KATNAL1: variants seen among roughly 807,000 people sequenced by gnomAD.
KATNAL1 encodes katanin p60 ATPase-containing subunit A-like 1.
Under a neutral mutation model 55.2 loss-of-function variants are expected in KATNAL1, and 32 were observed. The ratio of observed to expected loss-of-function variants is 0.58; its 90% confidence interval spans 0.44 to 0.78. The LOEUF is 0.78. KATNAL1 is among the 30% of genes least tolerant of loss of function. The probability of loss-of-function intolerance (pLI) is 0.00; values close to 1 mark genes in which losing one functional copy is unlikely to be tolerated. For missense variants in KATNAL1, 466 were observed against 600.9 expected (o/e 0.78, Z 2.35); for synonymous variants, 193 against 193.6 (o/e 1.00, Z 0.02).
chr13:30,283,514 T>G, intron 2 of KATNAL1, 102 bp downstream of exon 2: 1 of 977,802 alleles, frequency 1.0e-6, no homozygotes. Flanking sequence ...AAATAGGCAC[T>G]ATTTCCATCT....
chr13:30,210,778 G>A lies in KATNAL1; in HGVS notation c.1148-336C>T, dbSNP rs73443656. 5.2e-3 allele frequency: 849 copies of A among 164,276 alleles called. 12 individuals carry two copies. The highest frequency in any genetic ancestry group is 0.019 in the African/African-American group (805 of 41,796). The allele number at this position is 164,276 out of a possible 1,614,324, so 10.2% of individuals were successfully genotyped here. On this transcript the variant is annotated intron_variant, in intron 9 of 10. Coordinates refer to ENST00000380615, the MANE Select transcript of KATNAL1 (RefSeq NM_032116.5). ...ATATAAATATCAGTTTTCAAGCACC[G>A]GAAATGCTTCTCAAAAAAAAAATAC...
At chr13:30,296,523 C>A in intron 1 of KATNAL1, 1 of 735,672 alleles carries the variant, frequency 1.4e-6, no homozygotes, top group South Asian at 1.4e-5. Flanking sequence ...CTACTGGGGC[C>A]TCTTTATCAT....
intron 6 of KATNAL1, among the ~76,000 whole-genome samples, chr13:30,236,658 C>T (rs1296049311): frequency 5.3e-5 from 8 of 152,214 alleles, no homozygotes; most frequent in South Asian, 2.1e-4. Flanking sequence ...GATCTTCCTA[C>T]ACTTGCAAAT....
intron 9 of KATNAL1, among the ~76,000 whole-genome samples, chr13:30,214,134 A>G (rs971602495): frequency 7.9e-5 from 12 of 152,296 alleles, no homozygotes; most frequent in Admixed American, 5.2e-4. Flanking sequence ...CCAATAACAG[A>G]CAAACAGAGC....
chr13:30,301,213 T>C (rs759561762), intron 1 of KATNAL1, among the ~76,000 whole-genome samples: 8 of 151,840 alleles, frequency 5.3e-5, no homozygotes, highest in African/African-American at 1.5e-4. Context: ...ACTAAAAAAG[T>C]ACAAAAATTA....
chr13:30,266,470 AAATT>A (rs1301524236), intron 3 of KATNAL1, among the ~76,000 whole-genome samples: 6 of 152,168 alleles, frequency 3.9e-5, no homozygotes, highest in South Asian at 2.1e-4. Flanking sequence ...TAAACATAAT[AAATT>A]AAGTTTACAA....
rs541961637 is a variant in KATNAL1, at chr13:30,232,552, C to T, written c.727-1080G>A. ...GTTGAGATTTTAAAAACCATGAAAA[C>T]GACCAATTGATGCTATAGGCATAAC... is the stretch of plus-strand genomic sequence containing the variant. On this transcript the variant is annotated intron_variant, in intron 6 of 10. Coordinates refer to ENST00000380615, the MANE Select transcript of KATNAL1 (RefSeq NM_032116.5). Among the ~76,000 whole-genome samples, 12 of 152,262 alleles carry T rather than the reference C, an allele frequency of 7.9e-5. 1 individual carries two copies. The highest frequency in any genetic ancestry group is 7.2e-4 in the Admixed American group (11 of 15,288).
chr13:30,275,142 C>T (rs1485447498), intron 3 of KATNAL1, among the ~76,000 whole-genome samples: 1 of 152,136 alleles, frequency 6.6e-6, no homozygotes, highest in Non-Finnish European at 1.5e-5. Context: ...TAGAGGTTTA[C>T]TTGACTCATA....
intron 1 of KATNAL1, chr13:30,306,669 C>CT (rs1443136055): frequency 6.6e-6 from 1 of 152,170 alleles, no homozygotes; most frequent in Non-Finnish European, 1.5e-5. Flanking sequence ...TTAAAACAAA[C>CT]ATGACTAACC....
At chr13:30,239,828 G>C (rs944588954) in intron 6 of KATNAL1, among the ~76,000 whole-genome samples, 2 of 151,732 alleles carry the variant, frequency 1.3e-5, no homozygotes, top group Admixed American at 6.6e-5. Flanking sequence ...TGGGATTACA[G>C]GCATGCACCA....
At position 30,207,423 on chromosome 13, in the gene KATNAL1, T is replaced by C. The variant is rs1424347042; in HGVS notation, c.*1117A>G. On this transcript the variant is annotated 3_prime_UTR_variant, in exon 11 of 11. Coordinates refer to ENST00000380615, the MANE Select transcript of KATNAL1 (RefSeq NM_032116.5). Reference sequence around the variant, plus strand: ...ATCATTCACTATGTATGATGCTGTTTTGTTAAACTAGCTGTTTGGAAAACA... The same window carrying C: ...ATCATTCACTATGTATGATGCTGTTCTGTTAAACTAGCTGTTTGGAAAACA... 6.6e-6 allele frequency: 1 copy of C among 152,250 alleles called. No individual in the cohort carries two copies. Among genetic ancestry groups the C allele is most frequent in the East Asian group, 1.9e-4 (1 of 5,208 alleles). The allele number at this position is 152,250 out of a possible 1,614,324, so 9.4% of individuals were successfully genotyped here.
chr13:30,243,442 T>G, intron 4 of KATNAL1, among the ~76,000 whole-genome samples: 1 of 151,936 alleles, frequency 6.6e-6, no homozygotes, highest in Non-Finnish European at 1.5e-5. Context: ...GGTCTTGCAT[T>G]TTAAGAGAAA....
chr13:30,285,586 C>T (rs1044737986), intron 1 of KATNAL1, among the ~76,000 whole-genome samples: 1 of 152,140 alleles, frequency 6.6e-6, no homozygotes, highest in Non-Finnish European at 1.5e-5. Flanking sequence ...TACCCAGTCT[C>T]AAGTTTTTCT....
chr13:30,302,646 A>G (rs1302056978), intron 1 of KATNAL1, among the ~76,000 whole-genome samples: 1 of 152,250 alleles, frequency 6.6e-6, no homozygotes, highest in Non-Finnish European at 1.5e-5. Flanking sequence ...TCAAACACGT[A>G]AAAGCTAAGA....
intron 9 of KATNAL1, among the ~76,000 whole-genome samples, chr13:30,226,967 T>C (rs1416531650): frequency 1.3e-5 from 2 of 152,008 alleles, no homozygotes; most frequent in Non-Finnish European, 2.9e-5. Flanking sequence ...TCCCAGCTAT[T>C]TGGAAGGCTA....
chr13:30,222,873 A>G lies in KATNAL1; in HGVS notation c.1147+4539T>C, dbSNP rs1449735136. On this transcript the variant is annotated intron_variant, in intron 9 of 10. Transcript: ENST00000380615. Reference sequence around the variant, plus strand: ...TTTGGGAGGCCAAGGTGGGTGAATCACCTGAGCTCAGGAGTTCAAGACCAG... The same window carrying G: ...TTTGGGAGGCCAAGGTGGGTGAATCGCCTGAGCTCAGGAGTTCAAGACCAG... 2.0e-5 allele frequency among the ~76,000 whole-genome samples: 3 copies of G among 152,204 alleles called. No homozygotes were observed. The East Asian group carries it at 5.8e-4, about 29-fold the overall frequency.
intron 1 of KATNAL1, among the ~76,000 whole-genome samples, chr13:30,298,794 T>C (rs1396760193): frequency 1.3e-5 from 2 of 152,030 alleles, no homozygotes; most frequent in East Asian, 3.9e-4. Context: ...CTGACCAGAA[T>C]GCAGCATATA....
chr13:30,304,526 C>G (rs1191539957), intron 1 of KATNAL1, among the ~76,000 whole-genome samples: 1 of 152,200 alleles, frequency 6.6e-6, no homozygotes, highest in Non-Finnish European at 1.5e-5. Flanking sequence ...CCTCAGCCTT[C>G]CAAAGTGCTG....
chr13:30,240,975 T>A lies in KATNAL1; in HGVS notation c.604A>T (p.Asn202Tyr). 1.9e-6 allele frequency: 3 copies of A among 1,612,786 alleles called. No homozygotes were observed. Among genetic ancestry groups the A allele is most frequent in the Non-Finnish European group, 2.5e-6 (3 of 1,179,420 alleles). The change falls in exon 5 of 11, where the codon AAT (asparagine) becomes TAT (tyrosine). Residue 202 changes from asparagine (N) to tyrosine (Y), a missense_variant. Physicochemically the swap from Asn to Tyr is moderately radical, Grantham distance 143 (BLOSUM62 -2). Transcript: ENST00000380615. ...EALERDIVSRNPSIHWDDIAD... is the reference protein window; with the variant it reads ...EALERDIVSRYPSIHWDDIAD... Reference sequence around the variant, plus strand: ...GACTCTAACCAATGAATGCTAGGATTCCTGGATACAATGTCTCTTTCAAGG... The same window carrying A: ...GACTCTAACCAATGAATGCTAGGATACCTGGATACAATGTCTCTTTCAAGG...
Sources: allele counts gnomAD v4.1 joint callset (sites outside exome capture counted in the v4.1 genomes callset), GRCh38; gene constraint gnomAD v4.1.1; transcripts MANE v1.5; gene names NCBI Gene and HGNC (gene_info 2026-07-23, HGNC 2026-07-21).